AKR1C3: variants seen among roughly 807,000 people sequenced by gnomAD.
AKR1C3 encodes the protein 3-alpha hydroxysteroid dehydrogenase, type II.
A neutral mutation model predicts 43.6 loss-of-function variants in AKR1C3; 48 were observed. The observed-to-expected ratio is 1.10, with a 90% CI of 0.87 to 1.40. The LOEUF is 1.40. Ranked by LOEUF, AKR1C3 falls within the 40% of genes most tolerant of loss-of-function variation. The probability of loss-of-function intolerance (pLI) is 0.00; values close to 1 mark genes in which losing one functional copy is unlikely to be tolerated. For synonymous variants in AKR1C3, 162 were observed against 139.6 expected (o/e 1.16, Z -1.13); for missense variants, 482 against 391.2 (o/e 1.23, Z -1.96).
At chr10:5,066,199 T>C (rs1588336461) in intron 1 of AKR1C3, among the ~76,000 whole-genome samples, 2 of 152,216 alleles carry the variant, frequency 1.3e-5, no homozygotes, top group African/African-American at 4.8e-5. Flanking sequence ...TGGTGTGTTC[T>C]AGGATCTGTG....
At chr10:5,091,438 G>A (rs558492282), upstream of AKR1C3, among the ~76,000 whole-genome samples, 22 of 152,206 alleles carry the variant, frequency 1.4e-4, no homozygotes, top group Middle Eastern at 3.4e-3. Flanking sequence ...TCTAATGTTA[G>A]GTAATACATG....
At chr10:5,079,111 G>A (rs1156511257) in intron 1 of AKR1C3, among the ~76,000 whole-genome samples, 2 of 152,144 alleles carry the variant, frequency 1.3e-5, no homozygotes, top group African/African-American at 4.8e-5. Flanking sequence ...TTACTTTTGT[G>A]CCAGGTGGTT....
intron 1 of AKR1C3, among the ~76,000 whole-genome samples, chr10:5,050,137 C>T (rs1838123551): frequency 6.6e-6 from 1 of 152,222 alleles, no homozygotes. Flanking sequence ...CAATTCTCAC[C>T]TTCTCCATAT....
At chr10:5,077,726 GA>G in intron 1 of AKR1C3, 1 of 1,182,352 alleles carries the variant, frequency 8.5e-7, no homozygotes, top group Non-Finnish European at 1.0e-6. Flanking sequence ...TCCCTTTAGA[GA>G]AAAAAGAAAA....
intron 1 of AKR1C3, among the ~76,000 whole-genome samples, chr10:5,086,380 G>T (rs1273674251): frequency 2.0e-5 from 3 of 151,514 alleles, no homozygotes; most frequent in Admixed American, 6.6e-5. Flanking sequence ...ATGTAGTTGA[G>T]CAGTTTTGAG....
intron 1 of AKR1C3, among the ~76,000 whole-genome samples, chr10:5,063,735 C>T (rs782076619): frequency 7.5e-5 from 8 of 106,418 alleles, no homozygotes; most frequent in Admixed American, 4.3e-4. Flanking sequence ...TGCAATCCAC[C>T]CTGGAGGACA....
At chr10:5,098,440 C>T (rs368888192) in intron 3 of AKR1C3, among the ~76,000 whole-genome samples, 12 of 152,228 alleles carry the variant, frequency 7.9e-5, no homozygotes, top group East Asian at 7.7e-4. Context: ...ATAATCCTAC[C>T]GTGTACAAGA....
chr10:5,089,176 T>A (rs1839033433), intron 1 of AKR1C3, among the ~76,000 whole-genome samples: 1 of 152,110 alleles, frequency 6.6e-6, no homozygotes, highest in Admixed American at 6.6e-5. Flanking sequence ...CTTTTAAAAT[T>A]TGTTCATTCT....
intron 1 of AKR1C3, among the ~76,000 whole-genome samples, chr10:5,074,127 C>T (rs548236696): frequency 2.6e-4 from 40 of 152,144 alleles, no homozygotes; most frequent in Admixed American, 1.6e-3. Context: ...TTCAAGTTGT[C>T]CCACCTTTCC....
At chr10:5,070,057 G>C (rs1024603466) in intron 1 of AKR1C3, among the ~76,000 whole-genome samples, 1 of 152,164 alleles carries the variant, frequency 6.6e-6, no homozygotes, top group East Asian at 1.9e-4. Flanking sequence ...AGAAGACCCA[G>C]GTCCCTTAAG....
chr10:5,068,995 A>G (rs1838564889), intron 1 of AKR1C3, among the ~76,000 whole-genome samples: 1 of 152,260 alleles, frequency 6.6e-6, no homozygotes, highest in Non-Finnish European at 1.5e-5. Context: ...AATAATCTTT[A>G]AAACTGTTTA....
intron 2 of AKR1C3, among the ~76,000 whole-genome samples, chr10:5,097,009 C>G (rs1839222841): frequency 6.6e-6 from 1 of 152,040 alleles, no homozygotes; most frequent in Non-Finnish European, 1.5e-5. Context: ...TAAATTGTGT[C>G]CAGCATAGTG....
At chr10:5,080,914 C>T (rs1554782280) in intron 1 of AKR1C3, 1 of 151,994 alleles carries the variant, frequency 6.6e-6, no homozygotes, top group Admixed American at 6.6e-5. Context: ...AGGACGCAAC[C>T]TCAAATTCAC....
At chr10:5,100,167 G>A (rs985820745) in intron 5 of AKR1C3, among the ~76,000 whole-genome samples, 3 of 152,140 alleles carry the variant, frequency 2.0e-5, no homozygotes, top group Admixed American at 6.5e-5. Flanking sequence ...GGTGGCACAC[G>A]CCTGTAATCC....
chr10:5,104,077 T>G (rs1416071154), intron 7 of AKR1C3, among the ~76,000 whole-genome samples: 2 of 152,184 alleles, frequency 1.3e-5, no homozygotes, highest in Admixed American at 1.3e-4. Context: ...TGCTGTGGTT[T>G]TCTCTGTAGT....
intron 1 of AKR1C3, chr10:5,081,654 A>C (rs1838839257): frequency 6.6e-6 from 1 of 152,226 alleles, no homozygotes; most frequent in Non-Finnish European, 1.5e-5. Context: ...AATATTGTTC[A>C]CTAATCCTGA....
chr10:5,097,866 G>GAGTTTCATGCAGTTGT, intron 3 of AKR1C3: 2 of 1,141,044 alleles, frequency 1.8e-6, no homozygotes, highest in Non-Finnish European at 2.2e-6. Context: ...CCCAGACACA[G>GAGTTTCATGCAGTTGT]AGTTTCATGC....
intron 1 of AKR1C3, among the ~76,000 whole-genome samples, chr10:5,056,305 G>A (rs575741759): frequency 2.0e-5 from 3 of 152,278 alleles, no homozygotes; most frequent in East Asian, 1.9e-4. Context: ...GGGGAATACA[G>A]AAGAAGGCAT....
intron 1 of AKR1C3, among the ~76,000 whole-genome samples, chr10:5,049,655 A>T (rs1838112428): frequency 6.6e-6 from 1 of 152,206 alleles, no homozygotes; most frequent in African/African-American, 2.4e-5. Context: ...GTATTCCAAG[A>T]CTGTCCTGAG....
Sources: allele counts gnomAD v4.1 joint callset (sites outside exome capture counted in the v4.1 genomes callset), GRCh38; gene constraint gnomAD v4.1.1; transcripts MANE v1.5; gene names NCBI Gene and HGNC (gene_info 2026-07-23, HGNC 2026-07-21).